P2RX5: variants seen among roughly 807,000 people sequenced by gnomAD.
The protein encoded by P2RX5 is P2X purinoceptor 5.
P2RX5 carries 46 observed loss-of-function variants against 54.1 expected under a neutral mutation model. The ratio of observed to expected loss-of-function variants is 0.85; its 90% CI spans 0.67 to 1.09. P2RX5 has a LOEUF of 1.09. P2RX5 is among the 50% of genes least tolerant of loss of function. P2RX5 has a pLI of 0.00. For synonymous variants in P2RX5, 226 were observed against 226.4 expected (o/e 1.00, Z 0.02); for missense variants, 566 against 549.8 (o/e 1.03, Z -0.29).
the P2RX5 span, among the ~76,000 whole-genome samples, chr17:3,711,180 C>T: frequency 6.6e-6 from 1 of 152,132 alleles, no homozygotes; most frequent in African/African-American, 2.4e-5. Context: ...GCTTTCTGTT[C>T]TCCTTTGCCC....
rs781187623 is a variant in P2RX5 at position 3,689,549 on chromosome 17, G to A, written c.696C>T (p.Phe232=). Residue 232 remains phenylalanine (F), a synonymous_variant, in exon 7 of 12, where the codon TTC becomes TTT. Transcript: ENST00000225328. ...CCCAGCGGATCACGGAGCCCAGTCG[G>A]AAGATGGGGCAGTAGTGGTTCTTGG... ...FGPKNHYCPI[F]RLGSVIRWAG... 2 of 1,614,218 alleles carry A rather than the reference G, an allele frequency of 1.2e-6. No homozygotes were observed. The highest frequency in any genetic ancestry group is 1.6e-4 in the Middle Eastern group (1 of 6,062).
chr17:3,689,769 G>A (rs2050549322), intron 6 of P2RX5, 139 bp from the exon 7 acceptor site: 7 of 1,114,250 alleles, frequency 6.3e-6, no homozygotes, highest in Middle Eastern at 5.7e-4. Flanking sequence ...CAGGGGAAGG[G>A]GCGCCCCAGC....
intron 11 of P2RX5, chr17:3,676,778 T>G (rs994073860): frequency 6.4e-5 from 14 of 219,958 alleles, no homozygotes; most frequent in African/African-American, 3.0e-4. Flanking sequence ...ATAGCAAGGC[T>G]TGGCCGGGTT....
chr17:3,719,235 C>CAAAAAAAAAAAAAAAA, the P2RX5 span, among the ~76,000 whole-genome samples: 2 of 66,176 alleles, frequency 3.0e-5, no homozygotes, highest in African/African-American at 5.8e-5. Flanking sequence ...GATTCTTCCT[C>CAAAAAAAAAAAAAAAA]AAAAAAAAAA....
At chr17:3,693,156 G>C (rs1397688871) in intron 1 of P2RX5, among the ~76,000 whole-genome samples, 1 of 143,962 alleles carries the variant, frequency 6.9e-6, no homozygotes, top group African/African-American at 2.6e-5. Flanking sequence ...GAGAGAGAGA[G>C]ATACACAAAT....
chr17:3,722,936 C>A, the P2RX5 span, among the ~76,000 whole-genome samples: 4 of 152,182 alleles, frequency 2.6e-5, no homozygotes, highest in African/African-American at 9.7e-5. Flanking sequence ...GTTATTGCAA[C>A]AGCCCTGGCA....
At chr17:3,717,545 G>A in the P2RX5 span, 1 of 152,120 alleles carries the variant, frequency 6.6e-6, no homozygotes, top group Admixed American at 6.6e-5. Flanking sequence ...TCCAAGTTGT[G>A]GCCAGAGGAA....
At chr17:3,675,590 C>T (rs921230427) in intron 11 of P2RX5, 15 of 976,714 alleles carry the variant, frequency 1.5e-5, no homozygotes, top group African/African-American at 3.5e-5. Context: ...GTCTCACTGT[C>T]GCCCAGGCCA....
At chr17:3,710,439 A>T in the P2RX5 span, among the ~76,000 whole-genome samples, 18,830 of 151,758 alleles carry the variant, frequency 0.12, 1,523 homozygotes, top group East Asian at 0.28. Flanking sequence ...ATAAATAAAT[A>T]AATAAATAAA....
rs762819970 is a variant in P2RX5, at chr17:3,690,939, C to T, written c.360+17G>A. On this transcript the variant is annotated intron_variant, in intron 3 of 11. Coordinates refer to ENST00000225328, the MANE Select transcript of P2RX5 (RefSeq NM_002561.4). ...GGCTCTCCCACCCCCACGCCAGGGC[C>T]CCTCGCCAAATCAAACCTCAGCACA... 1.2e-6 allele frequency: 2 copies of T among 1,608,982 alleles called. No homozygotes were observed. Among genetic ancestry groups the T allele is most frequent in the African/African-American group, 1.3e-5 (1 of 74,960 alleles).
In P2RX5 at chr17:3,673,380, A is replaced by G. The variant is rs2050026384; in HGVS notation, c.*488T>C. 2 of 1,032,506 alleles carry G rather than the reference A, an allele frequency of 1.9e-6. No homozygotes were observed. The highest frequency in any genetic ancestry group is 3.4e-5 in the African/African-American group (2 of 59,314). 64.0% of individuals were successfully genotyped at this position (1,032,506 alleles called of 1,614,324 possible). ...CAGCTGGCAGGAAGGTGGTGTCTTT[A>G]GGAGAGAGAGTACTTGGATCCACTG... On this transcript the variant is annotated 3_prime_UTR_variant, in exon 12 of 12. Coordinates refer to ENST00000225328, the MANE Select transcript of P2RX5 (RefSeq NM_002561.4).
chr17:3,695,097 G>A (rs1327446113), intron 1 of P2RX5, among the ~76,000 whole-genome samples: 3 of 152,300 alleles, frequency 2.0e-5, no homozygotes, highest in Admixed American at 6.5e-5. Flanking sequence ...GAACTCCACC[G>A]CATTTACTGA....
rs762589989 is a variant in P2RX5 at position 3,691,009 on chromosome 17, CA to C, written c.306del (p.Phe102LeufsTer6). On this transcript the variant is annotated frameshift_variant, in exon 3 of 12. Transcript: ENST00000225328. LOFTEE classifies it high-confidence loss of function. Reference sequence around the variant, plus strand: ...GGGGTCACAATCAGGTTGGTGACCACAAAAAAGACGTTCTCTCCCTAAGGAA... The same window carrying C: ...GGGGTCACAATCAGGTTGGTGACCACAAAAAGACGTTCTCTCCCTAAGGAA... ...VIPAQGENVF[F>X]VVTNLIVTPN... The C allele has an allele frequency of 3.1e-6, 5 of 1,612,334 alleles. No individual in the cohort carries two copies. The highest frequency in any genetic ancestry group is 4.2e-6 in the Non-Finnish European group (5 of 1,179,182).
Position 3,673,698 on chromosome 17 carries a change from G to GACCC in P2RX5, c.*169_*170insGGGT. On this transcript the variant is annotated 3_prime_UTR_variant, in exon 12 of 12. Coordinates refer to ENST00000225328, the MANE Select transcript of P2RX5 (RefSeq NM_002561.4). ...GTCCGTCCTGATGACCCCAGCATCAGACGTGGAGGTCACTTTGCTCTGTGA... is the reference window on the plus strand; with the variant it reads ...GTCCGTCCTGATGACCCCAGCATCAGACCCACGTGGAGGTCACTTTGCTCTGTGA... The GACCC allele has an allele frequency of 6.4e-7, 1 of 1,557,460 alleles. No homozygotes were observed.
chr17:3,700,682 G>C (rs1294790039), upstream of P2RX5, among the ~76,000 whole-genome samples: 1 of 152,192 alleles, frequency 6.6e-6, no homozygotes, highest in Non-Finnish European at 1.5e-5. Context: ...TCCCATGTTG[G>C]AGGGGGCCTA....
chr17:3,697,272 T>A (rs1260905906), upstream of P2RX5, among the ~76,000 whole-genome samples: 3 of 151,970 alleles, frequency 2.0e-5, no homozygotes, highest in Non-Finnish European at 2.9e-5. Context: ...ATAGAACTGA[T>A]CCATGCAGCT....
the P2RX5 span, among the ~76,000 whole-genome samples, chr17:3,711,319 C>CATTCA: frequency 1.4e-5 from 2 of 147,250 alleles, no homozygotes; most frequent in Non-Finnish European, 3.0e-5. Context: ...ATTTAGACCT[C>CATTCA]ATTCAATTAC....
intron 11 of P2RX5, chr17:3,677,345 C>T (rs561318215): frequency 4.7e-5 from 45 of 957,376 alleles, no homozygotes; most frequent in Middle Eastern, 5.4e-4. Flanking sequence ...CCGGGCGTCC[C>T]GAGGCTGGTG....
chr17:3,710,375 C>T, the P2RX5 span, among the ~76,000 whole-genome samples: 5 of 151,322 alleles, frequency 3.3e-5, no homozygotes, highest in African/African-American at 4.9e-5. Flanking sequence ...TGCAGTGAGC[C>T]GAGATCATGC....
Sources: allele counts gnomAD v4.1 joint callset (sites outside exome capture counted in the v4.1 genomes callset), GRCh38; gene constraint gnomAD v4.1.1; transcripts MANE v1.5; gene names NCBI Gene and HGNC (gene_info 2026-07-23, HGNC 2026-07-21).